NCAM2: variants seen among roughly 807,000 people sequenced by gnomAD.
The protein encoded by NCAM2 is neural cell adhesion molecule 2, also known as N-CAM-2.
NCAM2 carries 30 observed loss-of-function variants against 98.1 expected under a neutral mutation model. The ratio of observed to expected loss-of-function variants is 0.31; its 90% CI spans 0.23 to 0.41. The LOEUF (loss-of-function observed/expected upper bound fraction) is 0.41, where lower values mean the gene tolerates loss of function less well. Among genes scored for constraint, NCAM2 ranks in the 10% least tolerant of loss-of-function variants. The probability of loss-of-function intolerance (pLI) is 1.00; values close to 1 mark genes in which losing one functional copy is unlikely to be tolerated. For synonymous variants in NCAM2, 368 were observed against 342.4 expected (o/e 1.07, Z -0.83); for missense variants, 867 against 1,005.8 (o/e 0.86, Z 1.87).
At chr21:21,527,337 T>C (rs1602563668) in intron 16 of NCAM2, among the ~76,000 whole-genome samples, 1 of 152,216 alleles carries the variant, frequency 6.6e-6, no homozygotes, top group South Asian at 2.1e-4. Context: ...GGTCTCGAAC[T>C]CCTGACCTCA....
intron 5 of NCAM2, among the ~76,000 whole-genome samples, chr21:21,300,811 A>G (rs2073685411): frequency 6.6e-6 from 1 of 151,996 alleles, no homozygotes; most frequent in Non-Finnish European, 1.5e-5. Flanking sequence ...CCTTTAGATT[A>G]TATAATCCAA....
At chr21:21,151,783 ATC>A (rs2067456299) in intron 1 of NCAM2, among the ~76,000 whole-genome samples, 1 of 151,860 alleles carries the variant, frequency 6.6e-6, no homozygotes, top group African/African-American at 2.4e-5. Flanking sequence ...ATGTTTTTAA[ATC>A]TGTTTCCATT....
At chr21:21,036,436 G>A (rs1459032866) in intron 1 of NCAM2, among the ~76,000 whole-genome samples, 1 of 152,104 alleles carries the variant, frequency 6.6e-6, no homozygotes, top group Non-Finnish European at 1.5e-5. Context: ...AAATGGTAGG[G>A]AAGTTTAAGT....
intron 1 of NCAM2, among the ~76,000 whole-genome samples, chr21:21,166,138 T>C (rs1024500269): frequency 1.3e-5 from 2 of 152,240 alleles, no homozygotes; most frequent in African/African-American, 4.8e-5. Context: ...ATTTAGGGCA[T>C]ACAGCTTCCT....
chr21:21,210,826 C>T, intron 1 of NCAM2: 1 of 292,936 alleles, frequency 3.4e-6, no homozygotes, highest in Non-Finnish European at 6.1e-6. Context: ...CAAAGGGATA[C>T]TTTGATAAAT....
intron 9 of NCAM2, among the ~76,000 whole-genome samples, chr21:21,407,506 T>TA (rs1471393155): frequency 6.6e-6 from 1 of 152,166 alleles, no homozygotes; most frequent in Non-Finnish European, 1.5e-5. Flanking sequence ...ATAGTTAAAT[T>TA]ACACTATTAA....
At chr21:21,387,303 T>G (rs2076291812) in intron 9 of NCAM2, among the ~76,000 whole-genome samples, 2 of 152,012 alleles carry the variant, frequency 1.3e-5, no homozygotes, top group South Asian at 4.1e-4. Context: ...CACTTAAACC[T>G]AATTGCTCCC....
chr21:21,060,834 C>T (rs1205731271), intron 1 of NCAM2, among the ~76,000 whole-genome samples: 1 of 152,066 alleles, frequency 6.6e-6, no homozygotes, highest in African/African-American at 2.4e-5. Flanking sequence ...AGAGAAAAGT[C>T]TTGGTTGATG....
At chr21:21,206,668 A>G (rs73896605) in intron 1 of NCAM2, among the ~76,000 whole-genome samples, 149 of 152,234 alleles carry the variant, frequency 9.8e-4, no homozygotes, top group African/African-American at 3.3e-3. Context: ...ATAAAATTAC[A>G]TGTTTTATAA....
chr21:21,214,811 G>A (rs1170273853), intron 1 of NCAM2, among the ~76,000 whole-genome samples: 4 of 143,870 alleles, frequency 2.8e-5, no homozygotes, highest in African/African-American at 7.6e-5. Context: ...GTATATATGT[G>A]TATCGAATAT....
chr21:21,499,284 C>T (rs1987463964), intron 15 of NCAM2, among the ~76,000 whole-genome samples: 1 of 152,118 alleles, frequency 6.6e-6, no homozygotes, highest in Admixed American at 6.5e-5. Flanking sequence ...AGTCTCGCTC[C>T]AGGCTGGAGT....
chr21:21,236,100 G>T (rs897815077), intron 1 of NCAM2, among the ~76,000 whole-genome samples: 1 of 151,830 alleles, frequency 6.6e-6, no homozygotes, highest in Admixed American at 6.6e-5. Context: ...GCCTTGTTTA[G>T]TGCTTGTCAT....
chr21:21,145,172 C>A (rs982052361), intron 1 of NCAM2, among the ~76,000 whole-genome samples: 65 of 152,052 alleles, frequency 4.3e-4, no homozygotes, highest in Admixed American at 3.7e-3. Context: ...AAACCTCTGA[C>A]AATAATGAAA....
chr21:21,132,394 CT>C (rs10679055), intron 1 of NCAM2, among the ~76,000 whole-genome samples: 4 of 149,566 alleles, frequency 2.7e-5, no homozygotes, highest in African/African-American at 9.8e-5. Context: ...TCTGTAAAGT[CT>C]TTTTTTTTTC....
At position 21,495,279 on chromosome 21, in the gene NCAM2, T is replaced by C. The variant is rs1410262121; in HGVS notation, c.2078-13572T>C. Among the ~76,000 whole-genome samples the C allele has an allele frequency of 2.0e-5, 3 of 152,042 alleles. No homozygotes were observed. In the East Asian group the frequency reaches 5.8e-4, roughly 29 times the overall value. ...ATAGACTTTAATTATGTAATTTTAA[T>C]TCAACAACTAATCATATATAAGGGG... On this transcript the variant is annotated intron_variant, in intron 15 of 17. Transcript: ENST00000400546.
chr21:21,106,099 G>T (rs530886030), intron 1 of NCAM2, among the ~76,000 whole-genome samples: 1 of 152,004 alleles, frequency 6.6e-6, no homozygotes, highest in South Asian at 2.1e-4. Context: ...TTGAAGCCAG[G>T]AATTTGAGAC....
At chr21:21,410,248 A>C (rs2076829130) in intron 9 of NCAM2, 26 bp from the exon 10 acceptor site, 1 of 1,244,718 alleles carries the variant, frequency 8.0e-7, no homozygotes, top group African/African-American at 1.6e-5. Flanking sequence ...AAATGCCTAT[A>C]ATTATTTTAT....
intron 1 of NCAM2, among the ~76,000 whole-genome samples, chr21:21,133,882 A>T (rs2066986830): frequency 6.6e-6 from 1 of 152,106 alleles, no homozygotes; most frequent in South Asian, 2.1e-4. Flanking sequence ...AAAGGGGAGA[A>T]AGTTGAGATC....
chr21:21,362,348 C>G (rs910417946), intron 8 of NCAM2, among the ~76,000 whole-genome samples: 2 of 151,934 alleles, frequency 1.3e-5, no homozygotes, highest in African/African-American at 2.4e-5. Flanking sequence ...CATGATAGAC[C>G]ACTTTTCCAT....
Sources: gnomAD v4.1 joint callset for allele counts (sites outside exome capture counted in the v4.1 genomes callset) on GRCh38, gnomAD v4.1.1 for gene constraint, MANE v1.5 for transcripts, NCBI Gene and HGNC (gene_info 2026-07-23, HGNC 2026-07-21) for gene names.